Variants in LRP1B observed in about 807,000 individuals in gnomAD.
LRP1B encodes LDL receptor related protein 1B.
A neutral mutation model predicts 556.6 loss-of-function variants in LRP1B; 217 were observed. That is an observed-to-expected ratio of 0.39 (90% CI 0.35 to 0.44). LRP1B has a LOEUF of 0.44. Ranked by LOEUF, LRP1B falls within the 20% of genes least tolerant of loss-of-function variation. The pLI is 1.00. For synonymous variants in LRP1B, 2,047 were observed against 1,865.8 expected, an observed-to-expected ratio of 1.10 and a Z score of -2.50; for missense variants, 5,053 against 5,620.8, an observed-to-expected ratio of 0.90 and a Z score of 3.23.
chr2:141,365,217 TTTTG>T (rs57017548), intron 3 of LRP1B, among the ~76,000 whole-genome samples: 61 of 152,064 alleles, frequency 4.0e-4, no homozygotes, highest in Middle Eastern at 3.4e-3. Flanking sequence ...GATGCATCTT[TTTTG>T]TTTGTTTGTT....
At chr2:140,711,019 G>T (rs527591160) in intron 37 of LRP1B, among the ~76,000 whole-genome samples, 1 of 152,018 alleles carries the variant, frequency 6.6e-6, no homozygotes, top group Non-Finnish European at 1.5e-5. Flanking sequence ...ACAAATTAAG[G>T]TTGGTAAAAT....
intron 77 of LRP1B, among the ~76,000 whole-genome samples, chr2:140,339,715 A>G (rs985016289): frequency 6.6e-5 from 10 of 151,678 alleles, no homozygotes; most frequent in African/African-American, 2.2e-4. Flanking sequence ...ACTAAATTCT[A>G]TTGACTTAGT....
chr2:142,082,183 G>T (rs769764845), intron 1 of LRP1B, among the ~76,000 whole-genome samples: 60 of 152,116 alleles, frequency 3.9e-4, no homozygotes, highest in Non-Finnish European at 5.6e-4. Context: ...GAAAATAAAT[G>T]AGATTATTAG....
At chr2:141,172,349 G>A (rs1680536323) in intron 7 of LRP1B, among the ~76,000 whole-genome samples, 1 of 152,006 alleles carries the variant, frequency 6.6e-6, no homozygotes, top group South Asian at 2.1e-4. Flanking sequence ...ATAATGCAAT[G>A]TTCTTCCCAT....
rs113172128 is a variant in LRP1B, at chr2:141,722,029, T to C, written c.205+88250A>G. 3.3e-3 allele frequency among the ~76,000 whole-genome samples: 496 copies of C among 152,290 alleles called. 5 individuals are homozygous for C. The highest frequency in any genetic ancestry group is 0.011 in the African/African-American group (471 of 41,570). ...AGGTAAAACCCAAGTTACTAGAGGA[T>C]GCTCAAATGTCTTCTGTAGTTTTCC... On this transcript the variant is annotated intron_variant, in intron 2 of 90. Transcript: ENST00000389484.
At chr2:141,103,229 T>A (rs923948027) in intron 7 of LRP1B, among the ~76,000 whole-genome samples, 1 of 152,086 alleles carries the variant, frequency 6.6e-6, no homozygotes, top group East Asian at 1.9e-4. Flanking sequence ...CAAAACAACT[T>A]AGGATTTGTG....
chr2:141,889,536 G>C (rs1164597804), intron 1 of LRP1B, among the ~76,000 whole-genome samples: 1 of 152,102 alleles, frequency 6.6e-6, no homozygotes, highest in Non-Finnish European at 1.5e-5. Context: ...GGAAATGTTT[G>C]CAAGTATTAA....
chr2:140,700,665 T>C (rs768381884), intron 40 of LRP1B, 44 bp from the exon 41 acceptor site: 3 of 1,577,280 alleles, frequency 1.9e-6, no homozygotes, highest in Non-Finnish European at 2.6e-6. Context: ...TTTATGTTTT[T>C]CTTTTGTTTT....
chr2:140,336,000 C>T (rs774973932), intron 77 of LRP1B, among the ~76,000 whole-genome samples, 162 bp from the exon 78 acceptor site: 5 of 151,974 alleles, frequency 3.3e-5, no homozygotes, highest in Non-Finnish European at 7.4e-5. Context: ...TCAATCTTTG[C>T]AGATGTATTA....
At chr2:140,370,228 A>G (rs1046124204) in intron 71 of LRP1B, among the ~76,000 whole-genome samples, 3 of 152,162 alleles carry the variant, frequency 2.0e-5, no homozygotes, top group Middle Eastern at 3.4e-3. Context: ...TGATACGGCA[A>G]TAAGGAAATT....
At chr2:141,959,813 A>C (rs1319296820) in intron 1 of LRP1B, among the ~76,000 whole-genome samples, 2 of 151,922 alleles carry the variant, frequency 1.3e-5, no homozygotes, top group Non-Finnish European at 2.9e-5. Flanking sequence ...CAAATGTTTA[A>C]TAGACACATG....
intron 1 of LRP1B, among the ~76,000 whole-genome samples, chr2:142,102,560 AT>A (rs1178918460): frequency 0.068 from 3,714 of 54,480 alleles, 132 homozygotes; most frequent in African/African-American, 0.13. Context: ...AAATAAAAAA[AT>A]AAAAAAGTAA....
chr2:140,492,184 G>T (rs1404230008), intron 57 of LRP1B, among the ~76,000 whole-genome samples: 1 of 152,098 alleles, frequency 6.6e-6, no homozygotes, highest in African/African-American at 2.4e-5. Flanking sequence ...TAACACTTGA[G>T]ACTAAATCCT....
rs548803090 is a variant in LRP1B at position 140,950,406 on chromosome 2, G to C, written c.2969-4C>G. 1 of 1,588,976 alleles carries C rather than the reference G, an allele frequency of 6.3e-7. No homozygotes were observed. Among genetic ancestry groups the C allele is most frequent in the Non-Finnish European group, 8.5e-7 (1 of 1,170,756 alleles). The stretch of plus-strand genomic sequence containing the variant: ...CTCCCGTCCCCACAGTCGTCATCTG[G>C]AAAGAAACATCAACATGAGGCAGTG... On this transcript the variant is annotated splice_polypyrimidine_tract_variant and splice_region_variant and intron_variant, in intron 19 of 90. Transcript: ENST00000389484.
At chr2:141,624,032 T>TAAAAAAAAAAAAAAAAAA (rs761446527) in intron 2 of LRP1B, among the ~76,000 whole-genome samples, 4 of 14,442 alleles carry the variant, frequency 2.8e-4, no homozygotes, top group East Asian at 3.2e-3. Flanking sequence ...AAAAAAAAAT[T>TAAAAAAAAAAAAAAAAAA]AAACAAAAAA....
chr2:141,735,391 C>T (rs1693426238), intron 2 of LRP1B, among the ~76,000 whole-genome samples: 1 of 151,580 alleles, frequency 6.6e-6, no homozygotes, highest in Admixed American at 6.6e-5. Context: ...CAAGGAAAGC[C>T]CGGGTAAGAG....
At chr2:141,435,690 G>A (rs1209130525) in intron 3 of LRP1B, among the ~76,000 whole-genome samples, 2 of 152,138 alleles carry the variant, frequency 1.3e-5, no homozygotes, top group African/African-American at 4.8e-5. Context: ...GGTCTTTTTG[G>A]CTTGCCTGTC....
chr2:141,958,403 A>G (rs903987110), intron 1 of LRP1B, among the ~76,000 whole-genome samples: 2 of 151,972 alleles, frequency 1.3e-5, no homozygotes, highest in African/African-American at 4.8e-5. Flanking sequence ...GGAGAATCTA[A>G]AAGACTTTGG....
intron 21 of LRP1B, among the ~76,000 whole-genome samples, chr2:140,922,290 ACACACACGCACACACGCACACACACG>A (rs1694759068): frequency 6.6e-6 from 1 of 150,402 alleles, no homozygotes; most frequent in African/African-American, 2.5e-5. Flanking sequence ...ATACACACAC[ACACACACGCACACACGCACACACACG>A]CACACACACG....
Sources: gnomAD v4.1 joint callset for allele counts (sites outside exome capture counted in the v4.1 genomes callset) on GRCh38, gnomAD v4.1.1 for gene constraint, MANE v1.5 for transcripts, NCBI Gene and HGNC (gene_info 2026-07-23, HGNC 2026-07-21) for gene names.